The following NTF3 variants were observed in gnomAD, a reference collection of about 807,000 sequenced individuals.
NTF3 encodes neurotrophin-3.
NTF3 carries 8 observed loss-of-function variants against 26.3 expected under a neutral mutation model. That is an observed-to-expected ratio of 0.30 (90% CI 0.18 to 0.55). NTF3 has a LOEUF of 0.55. Among genes scored for constraint, NTF3 ranks in the 20% least tolerant of loss-of-function variants. NTF3 has a pLI of 0.93. For missense variants in NTF3, 276 were observed against 352.9 expected, an observed-to-expected ratio of 0.78 and a Z score of 1.75; for synonymous variants, 154 against 145.5, an observed-to-expected ratio of 1.06 and a Z score of -0.42.
chr12:5,488,881 T>C (rs150416449), intron 1 of NTF3, among the ~76,000 whole-genome samples: 1 of 152,342 alleles, frequency 6.6e-6, no homozygotes, highest in East Asian at 1.9e-4. Flanking sequence ...CCAGAGAATA[T>C]GGCTACACCA....
intron 1 of NTF3, among the ~76,000 whole-genome samples, chr12:5,483,873 C>T (rs1179684590): frequency 6.6e-6 from 1 of 152,228 alleles, no homozygotes; most frequent in Non-Finnish European, 1.5e-5. Flanking sequence ...GGAAAATGCT[C>T]TGATTCCTGG....
At chr12:5,470,171 G>A (rs903170842) in intron 1 of NTF3, among the ~76,000 whole-genome samples, 3 of 152,116 alleles carry the variant, frequency 2.0e-5, no homozygotes, top group Non-Finnish European at 2.9e-5. Context: ...TGATCCACCC[G>A]CCTCGGCCTC....
At chr12:5,492,540 T>C (rs1234536173) in intron 1 of NTF3, among the ~76,000 whole-genome samples, 1 of 152,236 alleles carries the variant, frequency 6.6e-6, no homozygotes, top group Non-Finnish European at 1.5e-5. Flanking sequence ...AGATTCCTTA[T>C]GCTGTAGAGG....
At chr12:5,485,932 G>A (rs1018404024) in intron 1 of NTF3, among the ~76,000 whole-genome samples, 2 of 152,132 alleles carry the variant, frequency 1.3e-5, no homozygotes, top group African/African-American at 4.8e-5. Flanking sequence ...GCATGATGGC[G>A]GCCACAGGGA....
chr12:5,439,283 C>T (rs931310664), intron 1 of NTF3, among the ~76,000 whole-genome samples: 2 of 152,162 alleles, frequency 1.3e-5, no homozygotes, highest in African/African-American at 4.8e-5. Context: ...TCTCAGTACT[C>T]AAAATAATCT....
At chr12:5,470,495 TC>T (rs1940651355) in intron 1 of NTF3, among the ~76,000 whole-genome samples, 1 of 152,216 alleles carries the variant, frequency 6.6e-6, no homozygotes, top group Non-Finnish European at 1.5e-5. Flanking sequence ...ACATCCGTGT[TC>T]CTGGGGCATT....
chr12:5,488,288 C>T (rs1359849990), intron 1 of NTF3, among the ~76,000 whole-genome samples: 2 of 152,226 alleles, frequency 1.3e-5, no homozygotes, highest in African/African-American at 2.4e-5. Flanking sequence ...CCAACCCCCA[C>T]GGGTGCTTCA....
At chr12:5,457,283 G>C (rs900943821) in intron 1 of NTF3, among the ~76,000 whole-genome samples, 7 of 152,148 alleles carry the variant, frequency 4.6e-5, no homozygotes, top group Non-Finnish European at 1.0e-4. Flanking sequence ...TACCTTGACT[G>C]TGTCCTCCTC....
intron 1 of NTF3, among the ~76,000 whole-genome samples, chr12:5,444,452 G>T (rs1940279189): frequency 2.0e-5 from 3 of 152,212 alleles, no homozygotes; most frequent in Admixed American, 1.3e-4. Context: ...ACTTCCTGGT[G>T]ACCTGAGATG....
At chr12:5,476,133 C>G (rs2121221622) in intron 1 of NTF3, among the ~76,000 whole-genome samples, 1 of 152,296 alleles carries the variant, frequency 6.6e-6, no homozygotes, top group Non-Finnish European at 1.5e-5. Context: ...AGTAATCACA[C>G]TTCCTGGTTG....
At chr12:5,448,075 C>T (rs1432366938) in intron 1 of NTF3, among the ~76,000 whole-genome samples, 1 of 152,204 alleles carries the variant, frequency 6.6e-6, no homozygotes, top group African/African-American at 2.4e-5. Flanking sequence ...TCTTGATGAA[C>T]TCTCTGCACA....
chr12:5,446,686 G>C (rs1438252741), intron 1 of NTF3, among the ~76,000 whole-genome samples: 2 of 152,172 alleles, frequency 1.3e-5, no homozygotes, highest in Admixed American at 6.5e-5. Flanking sequence ...TTGTAGAGTG[G>C]ACCATATGGA....
intron 1 of NTF3, among the ~76,000 whole-genome samples, chr12:5,460,734 C>T (rs1047284733): frequency 5.9e-5 from 9 of 152,208 alleles, no homozygotes; most frequent in Non-Finnish European, 2.9e-5. Flanking sequence ...CCTCATTCTC[C>T]CCTCTTTCCA....
chr12:5,432,249 G>T lies in NTF3; in HGVS notation c.-76G>T. On this transcript the variant is annotated 5_prime_UTR_variant, in exon 1 of 2. Coordinates refer to ENST00000423158, the MANE Select transcript of NTF3 (RefSeq NM_001102654.2). The stretch of plus-strand genomic sequence containing the variant: ...TGGGTAGTGGCTGCGGCGGGGTGGG[G>T]GAGACTTTGAATGACCGAGCTCGCG... 6.6e-7 allele frequency: 1 copy of T among 1,522,336 alleles called. No homozygotes were observed. Among genetic ancestry groups the T allele is most frequent in the Non-Finnish European group, 9.1e-7 (1 of 1,098,842 alleles). 94.3% of individuals were successfully genotyped at this position (1,522,336 alleles called of 1,614,324 possible). A position where few individuals can be genotyped will look rare whatever the true frequency, so the allele number is the denominator to read the frequency against.
chr12:5,455,149 G>T (rs1940422502), intron 1 of NTF3, among the ~76,000 whole-genome samples: 1 of 152,138 alleles, frequency 6.6e-6, no homozygotes, highest in African/African-American at 2.4e-5. Context: ...CAATAGGGCT[G>T]CCCTGCCTAC....
At chr12:5,459,817 A>T (rs1940504671) in intron 1 of NTF3, among the ~76,000 whole-genome samples, 1 of 152,172 alleles carries the variant, frequency 6.6e-6, no homozygotes. Flanking sequence ...CTTCTCTAGC[A>T]TGTGAGATCT....
chr12:5,430,818 G>A (rs1031361383), upstream of NTF3, among the ~76,000 whole-genome samples: 2 of 152,020 alleles, frequency 1.3e-5, no homozygotes, highest in African/African-American at 4.8e-5. Context: ...AGTCGCGCGT[G>A]AGTCAAAAGG....
At chr12:5,472,497 TGACATTCGG>T (rs1311277556) in intron 1 of NTF3, among the ~76,000 whole-genome samples, 1 of 152,238 alleles carries the variant, frequency 6.6e-6, no homozygotes, top group Non-Finnish European at 1.5e-5. Flanking sequence ...AGGAATTATA[TGACATTCGG>T]GACCTCCACT....
upstream of NTF3, among the ~76,000 whole-genome samples, chr12:5,430,590 C>A (rs868245447): frequency 2.6e-5 from 4 of 151,702 alleles, no homozygotes; most frequent in Non-Finnish European, 2.9e-5. Context: ...AGACTCCCCC[C>A]TCCCTTCCCA....
Sources: allele counts gnomAD v4.1 joint callset (sites outside exome capture counted in the v4.1 genomes callset), GRCh38; gene constraint gnomAD v4.1.1; transcripts MANE v1.5; gene names NCBI Gene and HGNC (gene_info 2026-07-23, HGNC 2026-07-21).